Variants in ZDHHC2 observed in about 807,000 individuals in gnomAD.
ZDHHC2 encodes palmitoyltransferase ZDHHC2.
Under a neutral mutation model 55.6 loss-of-function variants are expected in ZDHHC2, and 51 were observed. The ratio of observed to expected loss-of-function variants is 0.92; its 90% confidence interval spans 0.73 to 1.16. The LOEUF (loss-of-function observed/expected upper bound fraction) is 1.16, where lower values mean the gene tolerates loss of function less well. Among genes scored for constraint, ZDHHC2 ranks in the 50% most tolerant of loss-of-function variants. The pLI is 0.00. For synonymous variants in ZDHHC2, 199 were observed against 152.9 expected, an observed-to-expected ratio of 1.30 and a Z score of -2.22; for missense variants, 491 against 442.4, an observed-to-expected ratio of 1.11 and a Z score of -0.99.
At chr8:17,208,218 A>C (rs75120676) in intron 8 of ZDHHC2, 126 bp downstream of exon 8, 1 of 993,700 alleles carries the variant, frequency 1.0e-6, no homozygotes, top group Non-Finnish European at 1.4e-6. Context: ...TATTTTCCTC[A>C]TTGTTTTTTT....
At chr8:17,185,597 G>T (rs1805668108) in intron 2 of ZDHHC2, among the ~76,000 whole-genome samples, 1 of 152,140 alleles carries the variant, frequency 6.6e-6, no homozygotes, top group South Asian at 2.1e-4. Flanking sequence ...TTGAGCCCCA[G>T]GGGGCGGAGG....
chr8:17,177,285 A>G (rs959252182), intron 1 of ZDHHC2, among the ~76,000 whole-genome samples: 3 of 152,042 alleles, frequency 2.0e-5, no homozygotes, highest in African/African-American at 7.2e-5. Flanking sequence ...TTGGATGAGG[A>G]GGTAAAAGGA....
rs370204736 is a variant in ZDHHC2 at position 17,156,903 on chromosome 8, G to A, written c.130+50G>A. The A allele has an allele frequency of 8.2e-6, 12 of 1,458,194 alleles. No individual in the cohort carries two copies. In the East Asian group the frequency reaches 3.1e-4, roughly 38 times the overall value. 90.3% of individuals were successfully genotyped at this position (1,458,194 alleles called of 1,614,324 possible). A position where few individuals can be genotyped will look rare whatever the true frequency, so the allele number is the denominator to read the frequency against. ...CCCCCAGCGCAGCGCAGCCCACCCC[G>A]ACTGTCCCGGGACGCTCAGCCGCTC... is the stretch of plus-strand genomic sequence containing the variant. On this transcript the variant is annotated intron_variant, in intron 1 of 12. Coordinates refer to ENST00000262096, the MANE Select transcript of ZDHHC2 (RefSeq NM_016353.5).
intron 1 of ZDHHC2, among the ~76,000 whole-genome samples, chr8:17,176,779 G>T (rs2150895959): frequency 6.6e-6 from 1 of 151,414 alleles, no homozygotes; most frequent in East Asian, 2.0e-4. Flanking sequence ...GGCGTTTTGA[G>T]TTATCAATAA....
At chr8:17,205,538 T>C (rs895575808) in intron 6 of ZDHHC2, 117 bp from the exon 7 acceptor site, 2 of 1,175,356 alleles carry the variant, frequency 1.7e-6, no homozygotes, top group East Asian at 5.5e-5. Flanking sequence ...TTATGAGTTA[T>C]ATTTAAAGAA....
chr8:17,167,390 C>G (rs1804655487), intron 1 of ZDHHC2, among the ~76,000 whole-genome samples: 2 of 146,220 alleles, frequency 1.4e-5, no homozygotes, highest in South Asian at 2.1e-4. Flanking sequence ...ACTGCAACCT[C>G]TGCCTCCCGA....
intron 1 of ZDHHC2, among the ~76,000 whole-genome samples, chr8:17,165,309 C>T (rs920267700): frequency 6.6e-6 from 1 of 152,210 alleles, no homozygotes; most frequent in Non-Finnish European, 1.5e-5. Context: ...ATGTACTTAA[C>T]TATGACTAGT....
At chr8:17,178,266 G>A (rs962091186) in intron 1 of ZDHHC2, among the ~76,000 whole-genome samples, 2 of 152,088 alleles carry the variant, frequency 1.3e-5, no homozygotes, top group Non-Finnish European at 2.9e-5. Context: ...TAATCAATTG[G>A]TAAAAAATGT....
intron 1 of ZDHHC2, among the ~76,000 whole-genome samples, chr8:17,174,773 C>T (rs1805046462): frequency 7.4e-6 from 1 of 134,402 alleles, no homozygotes; most frequent in African/African-American, 2.8e-5. Context: ...TGCAGTGGCA[C>T]TATCTCAGCT....
chr8:17,195,541 G>A lies in ZDHHC2; in HGVS notation c.290G>A (p.Arg97Lys), dbSNP rs753708514. ...LSYAEKDLLE[R>K]EPRGEAHQEV... is the part of the protein sequence containing the mutation. ...TATGCAGAGAAAGATTTGTTGGAGA[G>A]AGAGCCAAGAGGAGAAGCCCATCAG... is the stretch of plus-strand genomic sequence containing the variant. The change falls in exon 4 of 13, where the codon AGA (arginine) becomes AAA (lysine). Residue 97 changes from arginine to lysine, a missense_variant. Coordinates refer to ENST00000262096, the MANE Select transcript of ZDHHC2 (RefSeq NM_016353.5). 1.9e-6 allele frequency: 3 copies of A among 1,613,858 alleles called. No homozygotes were observed. Among genetic ancestry groups the A allele is most frequent in the Admixed American group, 3.3e-5 (2 of 60,008 alleles).
Position 17,161,751 on chromosome 8 carries a change from C to T in ZDHHC2, c.130+4898C>T, listed in dbSNP as rs564910566. 9.7e-4 allele frequency among the ~76,000 whole-genome samples: 148 copies of T among 151,918 alleles called. 1 individual carries two copies. Among genetic ancestry groups the T allele is most frequent in the Non-Finnish European group, 1.6e-3 (111 of 67,988 alleles). ...GTGCGTGCCTGTAGTCACAGCTGCT[C>T]GGGAGGCTAAGGCAGAAGAAATTGC... On this transcript the variant is annotated intron_variant, in intron 1 of 12. Transcript: ENST00000262096.
At chr8:17,163,199 A>G (rs887757119) in intron 1 of ZDHHC2, among the ~76,000 whole-genome samples, 3 of 152,186 alleles carry the variant, frequency 2.0e-5, no homozygotes, top group South Asian at 2.1e-4. Context: ...CACCTGAGGA[A>G]CAGCCTTTGG....
In ZDHHC2 at chr8:17,189,131, T is replaced by G. The variant is rs1805889746; in HGVS notation, c.252+2706T>G. On this transcript the variant is annotated intron_variant, in intron 3 of 12. Coordinates refer to ENST00000262096, the MANE Select transcript of ZDHHC2 (RefSeq NM_016353.5). ...TTTTTTTTGGTGTTTTGTTATGTTTTTTTTTTTTTTTTTTTGGCCTCCTCT... is the reference window on the plus strand; with the variant it reads ...TTTTTTTTGGTGTTTTGTTATGTTTGTTTTTTTTTTTTTTTGGCCTCCTCT... Among the ~76,000 whole-genome samples the G allele has an allele frequency of 4.8e-5, 7 of 145,496 alleles. No homozygotes were observed. The South Asian group carries it at 1.5e-3, about 31-fold the overall frequency.
intron 6 of ZDHHC2, among the ~76,000 whole-genome samples, chr8:17,199,908 G>A (rs1806654622): frequency 6.6e-6 from 1 of 151,710 alleles, no homozygotes; most frequent in Middle Eastern, 3.2e-3. Flanking sequence ...ACAGGCGCCT[G>A]TAACCTCACC....
At chr8:17,202,498 C>T (rs3793424) in intron 6 of ZDHHC2, among the ~76,000 whole-genome samples, 17,363 of 152,162 alleles carry the variant, frequency 0.11, 2,456 homozygotes, top group East Asian at 0.33. Context: ...CTGTGTTTTA[C>T]ACTGAACTTA....
At chr8:17,190,446 G>A (rs924269772) in intron 3 of ZDHHC2, among the ~76,000 whole-genome samples, 20 of 152,040 alleles carry the variant, frequency 1.3e-4, no homozygotes, top group African/African-American at 4.3e-4. Context: ...AAGGTCTTGG[G>A]CTATTCTTTT....
At chr8:17,162,535 A>G (rs545426227) in intron 1 of ZDHHC2, among the ~76,000 whole-genome samples, 3 of 152,306 alleles carry the variant, frequency 2.0e-5, no homozygotes, top group South Asian at 4.1e-4. Context: ...GTGTGTTTCC[A>G]TGAGGTTAGA....
chr8:17,224,546 A>T lies in ZDHHC2; in HGVS notation c.*4325A>T, dbSNP rs1253257971. Reference sequence around the variant, plus strand: ...GAGCTGAATCCTACCTGAAATTATTAATGCTTAATATATTGCTTCTGTTTG... The same window carrying T: ...GAGCTGAATCCTACCTGAAATTATTTATGCTTAATATATTGCTTCTGTTTG... On this transcript the variant is annotated 3_prime_UTR_variant, in exon 13 of 13. Transcript: ENST00000262096. 1 of 151,684 alleles carries T rather than the reference A, an allele frequency of 6.6e-6. No homozygotes were observed. The highest frequency in any genetic ancestry group is 1.5e-5 in the Non-Finnish European group (1 of 67,684). The allele number at this position is 151,684 out of a possible 1,614,324, so 9.4% of individuals were successfully genotyped here. A position where few individuals can be genotyped will look rare whatever the true frequency, so the allele number is the denominator to read the frequency against.
At chr8:17,197,335 C>G (rs13439683) in intron 4 of ZDHHC2, among the ~76,000 whole-genome samples, 27,885 of 152,116 alleles carry the variant, frequency 0.18, 3,156 homozygotes, top group East Asian at 0.42. Flanking sequence ...TAACTACTGA[C>G]AATTGAAAAA....
Sources: gnomAD v4.1 joint callset for allele counts (sites outside exome capture counted in the v4.1 genomes callset) on GRCh38, gnomAD v4.1.1 for gene constraint, MANE v1.5 for transcripts, NCBI Gene and HGNC (gene_info 2026-07-23, HGNC 2026-07-21) for gene names.